IQCM: variants seen among roughly 807,000 people sequenced by gnomAD.
IQCM encodes IQ motif containing M.
IQCM carries 45 observed loss-of-function variants against 57.6 expected under a neutral mutation model. The ratio of observed to expected loss-of-function variants is 0.78; its 90% CI spans 0.62 to 1.00. IQCM has a LOEUF of 1.00. IQCM is among the 50% of genes least tolerant of loss of function. The pLI is 0.00. For synonymous variants in IQCM, 148 were observed against 158.9 expected (o/e 0.93, Z 0.51); for missense variants, 468 against 511.6 (o/e 0.91, Z 0.82).
chr4:149,756,468 G>C (rs988213531), intron 2 of IQCM, among the ~76,000 whole-genome samples: 1 of 151,944 alleles, frequency 6.6e-6, no homozygotes, highest in African/African-American at 2.4e-5. Flanking sequence ...AAAATACTAA[G>C]TCTAAGAAAT....
At position 149,776,263 on chromosome 4, in the gene IQCM, GTTGT is replaced by G. The variant is rs1264751330; in HGVS notation, c.-48-33528_-48-33525del. ...CACACAATGCTTTGTAGTTTACTAA[GTTGT>G]TTCAAAAATCTATTTTCTTTCTGAA... On this transcript the variant is annotated intron_variant, in intron 2 of 13. Coordinates refer to ENST00000636793, the MANE Select transcript of IQCM (RefSeq NM_001363507.2). Among the ~76,000 whole-genome samples, 4 of 152,096 alleles carry G rather than the reference GTTGT, an allele frequency of 2.6e-5. No homozygotes were observed. In the East Asian group the frequency reaches 7.7e-4, roughly 29 times the overall value.
intron 4 of IQCM, 112 bp downstream of exon 4, chr4:149,735,264 T>C (rs1766830553): frequency 2.1e-6 from 1 of 468,478 alleles, no homozygotes; most frequent in African/African-American, 2.0e-5. Flanking sequence ...TCAATTCTAT[T>C]CTCTTTTCTA....
At chr4:149,508,944 A>G (rs1217107867) in intron 12 of IQCM, among the ~76,000 whole-genome samples, 1 of 152,122 alleles carries the variant, frequency 6.6e-6, no homozygotes, top group Non-Finnish European at 1.5e-5. Context: ...AGGAGATCGG[A>G]TGGTTTTAAA....
At chr4:149,496,655 G>A (rs989538203) in intron 12 of IQCM, among the ~76,000 whole-genome samples, 1 of 152,130 alleles carries the variant, frequency 6.6e-6, no homozygotes, top group Non-Finnish European at 1.5e-5. Context: ...AATGCAGCCT[G>A]TTGATGCCTT....
chr4:149,379,235 CCA>C (rs1447310861), intron 13 of IQCM, among the ~76,000 whole-genome samples: 1 of 152,190 alleles, frequency 6.6e-6, no homozygotes. Context: ...GTGGGCACCC[CCA>C]CACAGAGTCC....
At chr4:149,581,428 T>A (rs912606289) in intron 9 of IQCM, among the ~76,000 whole-genome samples, 3 of 151,536 alleles carry the variant, frequency 2.0e-5, no homozygotes, top group Non-Finnish European at 4.4e-5. Flanking sequence ...CTATCTCCCT[T>A]CTATGCCCAG....
rs549791675 is a variant in IQCM at position 149,435,825 on chromosome 4, A to C, written c.1229-2268T>G. On this transcript the variant is annotated intron_variant, in intron 12 of 13. Transcript: ENST00000636793. ...ACAAAAAATATAAACAAATCCTAAA[A>C]TAGGGCTTACAGAATAAGAATGCAA... Among the ~76,000 whole-genome samples the C allele has an allele frequency of 1.6e-4, 24 of 152,250 alleles. No homozygotes were observed. The South Asian group carries it at 5.0e-3, about 32-fold the overall frequency.
intron 13 of IQCM, among the ~76,000 whole-genome samples, chr4:149,410,488 A>G (rs1025181224): frequency 6.7e-5 from 10 of 149,626 alleles, no homozygotes; most frequent in Admixed American, 2.7e-4. Context: ...TCAATATATG[A>G]TATATATTCT....
chr4:149,671,036 G>A (rs905482509), intron 7 of IQCM, among the ~76,000 whole-genome samples: 3 of 151,414 alleles, frequency 2.0e-5, no homozygotes, highest in South Asian at 2.1e-4. Context: ...TTTTTCTGTC[G>A]ATTGGAAGAG....
chr4:149,521,094 A>G (rs1170988968), intron 12 of IQCM, among the ~76,000 whole-genome samples: 1 of 152,166 alleles, frequency 6.6e-6, no homozygotes, highest in Non-Finnish European at 1.5e-5. Flanking sequence ...CCAAAGTGTC[A>G]TCAAATTATT....
At chr4:149,811,595 T>C (rs1370434462) in intron 2 of IQCM, among the ~76,000 whole-genome samples, 2 of 152,166 alleles carry the variant, frequency 1.3e-5, no homozygotes, top group Admixed American at 6.5e-5. Context: ...TCTCTTTTCC[T>C]CTCTTAGCTC....
At chr4:149,740,013 A>G (rs1400028709) in intron 3 of IQCM, among the ~76,000 whole-genome samples, 1 of 152,174 alleles carries the variant, frequency 6.6e-6, no homozygotes, top group African/African-American at 2.4e-5. Context: ...CCATCTCTTA[A>G]TTAGAATTGT....
chr4:149,753,658 C>T lies in IQCM; in HGVS notation c.-48-10919G>A, dbSNP rs371578688. 9.9e-5 allele frequency among the ~76,000 whole-genome samples: 15 copies of T among 150,920 alleles called. No homozygotes were observed. The East Asian group carries it at 2.0e-3, about 20-fold the overall frequency. On this transcript the variant is annotated intron_variant, in intron 2 of 13. Transcript: ENST00000636793. ...TGACAAGTTAATGGGTGCAGCACAC[C>T]AACATGGCTCATGTATACATATGTA... is the stretch of plus-strand genomic sequence containing the variant.
chr4:149,417,323 G>T (rs1367402712), intron 13 of IQCM, among the ~76,000 whole-genome samples: 2 of 152,132 alleles, frequency 1.3e-5, no homozygotes, highest in Non-Finnish European at 2.9e-5. Flanking sequence ...TTGGAGGAGA[G>T]ATTCCCTGGA....
At chr4:149,538,520 C>T (rs1747529260) in intron 12 of IQCM, among the ~76,000 whole-genome samples, 1 of 151,784 alleles carries the variant, frequency 6.6e-6, no homozygotes, top group Non-Finnish European at 1.5e-5. Flanking sequence ...AGTAAAATGA[C>T]AGACATAAAT....
intron 7 of IQCM, among the ~76,000 whole-genome samples, chr4:149,640,404 A>G (rs2150113372): frequency 6.6e-6 from 1 of 152,330 alleles, no homozygotes; most frequent in Non-Finnish European, 1.5e-5. Context: ...AATAAAGTTT[A>G]ATGCTTCACA....
chr4:149,715,149 A>T (rs1764882973), intron 5 of IQCM, among the ~76,000 whole-genome samples: 1 of 152,098 alleles, frequency 6.6e-6, no homozygotes, highest in Non-Finnish European at 1.5e-5. Flanking sequence ...CCTTTGCCTG[A>T]GTTTTGCTGG....
At chr4:149,416,801 A>C (rs114773797) in intron 13 of IQCM, among the ~76,000 whole-genome samples, 2,305 of 152,268 alleles carry the variant, frequency 0.015, 67 homozygotes, top group African/African-American at 0.053. Flanking sequence ...GGCAAGAGGA[A>C]GATTATTAGA....
chr4:149,413,694 T>G (rs1350218169), intron 13 of IQCM, among the ~76,000 whole-genome samples: 2 of 152,206 alleles, frequency 1.3e-5, no homozygotes, highest in East Asian at 3.9e-4. Context: ...CATGTTTCTC[T>G]GTTTTTGAAA....
Sources: allele counts gnomAD v4.1 joint callset (sites outside exome capture counted in the v4.1 genomes callset), GRCh38; gene constraint gnomAD v4.1.1; transcripts MANE v1.5; gene names NCBI Gene and HGNC (gene_info 2026-07-23, HGNC 2026-07-21).